SAMD12: variants seen among roughly 807,000 people sequenced by gnomAD.
The protein encoded by SAMD12 is sterile alpha motif domain-containing protein 12.
Under a neutral mutation model 15.0 loss-of-function variants are expected in SAMD12, and 9 were observed. The ratio of observed to expected loss-of-function variants is 0.60; its 90% confidence interval spans 0.36 to 1.05. The LOEUF is 1.05. Among genes scored for constraint, SAMD12 ranks in the 50% least tolerant of loss-of-function variants. SAMD12 has a pLI of 0.01. For synonymous variants in SAMD12, 86 were observed against 90.1 expected, an observed-to-expected ratio of 0.96 and a Z score of 0.25; for missense variants, 230 against 234.2, an observed-to-expected ratio of 0.98 and a Z score of 0.12.
At chr8:118,515,887 T>A (rs865986224) in intron 2 of SAMD12, among the ~76,000 whole-genome samples, 1 of 152,230 alleles carries the variant, frequency 6.6e-6, no homozygotes, top group African/African-American at 2.4e-5. Flanking sequence ...TCCCCAGCCC[T>A]CTCTGCAGCC....
At chr8:118,151,989 C>G in the SAMD12 span, among the ~76,000 whole-genome samples, 1 of 152,048 alleles carries the variant, frequency 6.6e-6, no homozygotes, top group Non-Finnish European at 1.5e-5. Flanking sequence ...ATCTGACCTA[C>G]CATCTTCCTA....
intron 4 of SAMD12, among the ~76,000 whole-genome samples, chr8:118,227,306 G>A (rs1210693646): frequency 6.6e-6 from 1 of 152,126 alleles, no homozygotes; most frequent in African/African-American, 2.4e-5. Context: ...ATAAGTGTGA[G>A]CCAAATGATG....
downstream of SAMD12, among the ~76,000 whole-genome samples, chr8:118,374,900 T>TA (rs1819302843): frequency 1.4e-5 from 2 of 142,238 alleles, no homozygotes; most frequent in Non-Finnish European, 3.2e-5. Flanking sequence ...AGATATGTGA[T>TA]TTATATATAT....
chr8:118,289,330 A>G (rs1337777382), intron 4 of SAMD12, among the ~76,000 whole-genome samples: 3 of 152,054 alleles, frequency 2.0e-5, no homozygotes, highest in Admixed American at 2.0e-4. Context: ...CTCTTTTCCT[A>G]ATTAATAGGT....
intron 3 of SAMD12, among the ~76,000 whole-genome samples, chr8:118,425,668 A>G (rs776700405): frequency 1.4e-4 from 21 of 152,244 alleles, no homozygotes; most frequent in Non-Finnish European, 2.6e-4. Context: ...ATCATATTTG[A>G]TTTAGTATCA....
intron 3 of SAMD12, among the ~76,000 whole-genome samples, chr8:118,406,204 A>G (rs1480574207): frequency 6.6e-6 from 1 of 151,582 alleles, no homozygotes; most frequent in African/African-American, 2.4e-5. Flanking sequence ...AACAAACACT[A>G]TGGATTCTTT....
At chr8:118,441,682 GA>G (rs1822768485) in intron 2 of SAMD12, among the ~76,000 whole-genome samples, 1 of 151,972 alleles carries the variant, frequency 6.6e-6, no homozygotes, top group Non-Finnish European at 1.5e-5. Context: ...CATTCAATGG[GA>G]CTGACATTTC....
intron 4 of SAMD12, among the ~76,000 whole-genome samples, chr8:118,326,989 G>A (rs73709918): frequency 0.068 from 10,338 of 152,202 alleles, 673 homozygotes; most frequent in African/African-American, 0.15. Flanking sequence ...GGTCCCTTCT[G>A]TAAAGTAACC....
chr8:118,467,786 T>C (rs1043176369), intron 2 of SAMD12, among the ~76,000 whole-genome samples: 3 of 152,168 alleles, frequency 2.0e-5, no homozygotes, highest in African/African-American at 7.2e-5. Flanking sequence ...TGGTACCCAG[T>C]ATGTTGATGA....
At chr8:118,165,444 C>T in the SAMD12 span, among the ~76,000 whole-genome samples, 18 of 151,614 alleles carry the variant, frequency 1.2e-4, no homozygotes, top group Admixed American at 5.9e-4. Context: ...TTAGTAGAGA[C>T]GGGGTTTCAC....
At chr8:118,153,128 C>T in the SAMD12 span, among the ~76,000 whole-genome samples, 1 of 152,154 alleles carries the variant, frequency 6.6e-6, no homozygotes, top group Non-Finnish European at 1.5e-5. Context: ...CACTGCATAA[C>T]AAAACATCCC....
chr8:118,309,165 C>T (rs1339122615), intron 4 of SAMD12, among the ~76,000 whole-genome samples: 1 of 152,010 alleles, frequency 6.6e-6, no homozygotes, highest in East Asian at 1.9e-4. Flanking sequence ...CTCCTGAGTC[C>T]CCAAAGTCCA....
chr8:118,612,802 AC>A (rs1828140414), intron 1 of SAMD12, among the ~76,000 whole-genome samples: 2 of 152,244 alleles, frequency 1.3e-5, no homozygotes, highest in Non-Finnish European at 2.9e-5. Flanking sequence ...ATTACTGGAA[AC>A]AACCTAAATG....
intron 4 of SAMD12, among the ~76,000 whole-genome samples, chr8:118,238,762 A>C (rs1031448103): frequency 4.6e-5 from 7 of 152,148 alleles, no homozygotes; most frequent in African/African-American, 1.2e-4. Context: ...TCCTTTTAGA[A>C]ATGAGGCCAT....
chr8:118,427,092 G>A (rs367741257), intron 3 of SAMD12, among the ~76,000 whole-genome samples: 1 of 152,244 alleles, frequency 6.6e-6, no homozygotes, highest in East Asian at 1.9e-4. Flanking sequence ...GAATGCTTTG[G>A]TATCTTCAGA....
At chr8:118,461,687 A>G (rs909735205) in intron 2 of SAMD12, among the ~76,000 whole-genome samples, 4 of 152,244 alleles carry the variant, frequency 2.6e-5, no homozygotes, top group African/African-American at 9.6e-5. Flanking sequence ...ATCTTGGAAC[A>G]TATAGATTCA....
intron 2 of SAMD12, among the ~76,000 whole-genome samples, chr8:118,527,547 T>C (rs1039699214): frequency 4.6e-5 from 7 of 152,350 alleles, no homozygotes; most frequent in Admixed American, 3.9e-4. Context: ...TTAAACAAAC[T>C]ATACTTTCTT....
At chr8:118,288,281 G>T (rs1469680338) in intron 4 of SAMD12, 3 of 152,128 alleles carry the variant, frequency 2.0e-5, no homozygotes, top group Admixed American at 1.3e-4. Context: ...ACATGCCAAA[G>T]GTCACAGTGT....
intron 2 of SAMD12, among the ~76,000 whole-genome samples, chr8:118,512,001 G>C (rs1825102829): frequency 6.6e-6 from 1 of 152,004 alleles, no homozygotes; most frequent in Non-Finnish European, 1.5e-5. Context: ...TCAATCAGTA[G>C]TTAGACTTTT....
Sources: gnomAD v4.1 joint callset for allele counts (sites outside exome capture counted in the v4.1 genomes callset) on GRCh38, gnomAD v4.1.1 for gene constraint, MANE v1.5 for transcripts, NCBI Gene and HGNC (gene_info 2026-07-23, HGNC 2026-07-21) for gene names.